Variants in ZKSCAN1 observed in about 807,000 individuals in gnomAD.
ZKSCAN1 encodes the protein zinc finger protein with KRAB and SCAN domains 1.
In ZKSCAN1, 14 loss-of-function variants were observed where a neutral mutation model predicts 51.6. The observed-to-expected ratio is 0.27, with a 90% CI of 0.18 to 0.42. The LOEUF (loss-of-function observed/expected upper bound fraction) is 0.42, where lower values mean the gene tolerates loss of function less well. Ranked by LOEUF, ZKSCAN1 falls within the 10% of genes least tolerant of loss-of-function variation. The pLI is 1.00. For synonymous variants in ZKSCAN1, 263 were observed against 261.5 expected (o/e 1.01, Z -0.06); for missense variants, 531 against 710.0 (o/e 0.75, Z 2.86).
At position 100,041,069 on chromosome 7, in the gene ZKSCAN1, C is replaced by T. The variant is rs1209271344; in HGVS notation, c.*6872C>T. 4 of 964,078 alleles carry T rather than the reference C, an allele frequency of 4.1e-6. No homozygotes were observed. Among genetic ancestry groups the T allele is most frequent in the Non-Finnish European group, 4.9e-6 (4 of 810,602 alleles). The allele number at this position is 964,078 out of a possible 1,614,324, so 59.7% of individuals were successfully genotyped here. On this transcript the variant is annotated 3_prime_UTR_variant, in exon 6 of 6. Coordinates refer to ENST00000324306, the MANE Select transcript of ZKSCAN1 (RefSeq NM_003439.4). ...TTTTAGTTAAATACAGATTTTACAA[C>T]GAGGTCAGCATAAGCCTAAATCTAT...
At chr7:100,042,499 T>C (rs1402702334), downstream of ZKSCAN1, among the ~76,000 whole-genome samples, 2 of 152,032 alleles carry the variant, frequency 1.3e-5, no homozygotes, top group African/African-American at 4.8e-5. Flanking sequence ...ATTCTGACAC[T>C]ACCTGTAACT....
At position 100,037,795 on chromosome 7, in the gene ZKSCAN1, A is replaced by G; in HGVS notation, c.*3598A>G. On this transcript the variant is annotated 3_prime_UTR_variant, in exon 6 of 6. Transcript: ENST00000324306. The stretch of plus-strand genomic sequence containing the variant: ...CACTTTGGGAGGCCGAGGCAGGCGG[A>G]TCACGAGGTCAGTAGTTCGAGACCA... 1.1e-6 allele frequency: 1 copy of G among 890,286 alleles called. No homozygotes were observed. The highest frequency in any genetic ancestry group is 1.3e-6 in the Non-Finnish European group (1 of 743,658). The allele number at this position is 890,286 out of a possible 1,614,324, so 55.1% of individuals were successfully genotyped here. A position where few individuals can be genotyped will look rare whatever the true frequency, so the allele number is the denominator to read the frequency against.
At chr7:100,022,266 G>GTCTCCTGGTC (rs1790623768) in intron 1 of ZKSCAN1, among the ~76,000 whole-genome samples, 1 of 152,210 alleles carries the variant, frequency 6.6e-6, no homozygotes, top group Admixed American at 6.5e-5. Context: ...TGTTGACCAG[G>GTCTCCTGGTC]ATGGTCCCGA....
chr7:100,023,048 C>G (rs1254162394), intron 1 of ZKSCAN1, among the ~76,000 whole-genome samples: 2 of 151,342 alleles, frequency 1.3e-5, no homozygotes, highest in African/African-American at 4.9e-5. Context: ...AACTTCTTGT[C>G]TCCCAGGTAG....
downstream of ZKSCAN1, among the ~76,000 whole-genome samples, chr7:100,042,630 A>G (rs755416390): frequency 2.0e-5 from 3 of 151,824 alleles, no homozygotes; most frequent in Non-Finnish European, 2.9e-5. Context: ...GGCTTCCACA[A>G]TCTTCTCCTC....
Position 100,039,534 on chromosome 7 carries a change from G to A in ZKSCAN1, c.*5337G>A, listed in dbSNP as rs554308421. On this transcript the variant is annotated 3_prime_UTR_variant, in exon 6 of 6. Transcript: ENST00000324306. ...TTGTGATTATTAGGAGAGAGGTTTT[G>A]CAAAGACTCGTTGCTGTGAAAGAAT... 255 of 985,340 alleles carry A rather than the reference G, an allele frequency of 2.6e-4. 1 individual carries two copies. The African/African-American group carries it at 4.0e-3, about 16-fold the overall frequency. 61.0% of individuals were successfully genotyped at this position (985,340 alleles called of 1,614,324 possible).
downstream of ZKSCAN1, among the ~76,000 whole-genome samples, chr7:100,042,687 A>G (rs1299284365): frequency 6.7e-6 from 1 of 150,152 alleles, no homozygotes; most frequent in Non-Finnish European, 1.5e-5. Flanking sequence ...GGTCTCATAT[A>G]TATTTTTATT....
chr7:100,038,855 C>T lies in ZKSCAN1; in HGVS notation c.*4658C>T, dbSNP rs533407102. ...CTAAAAATACAAAAAAATAGCTGGG[C>T]GTGGTGGCGGGCGCCTGTAGTCCCA... On this transcript the variant is annotated 3_prime_UTR_variant, in exon 6 of 6. Coordinates refer to ENST00000324306, the MANE Select transcript of ZKSCAN1 (RefSeq NM_003439.4). The T allele has an allele frequency of 2.1e-5, 11 of 512,690 alleles. No individual in the cohort carries two copies. Among genetic ancestry groups the T allele is most frequent in the South Asian group, 8.5e-5 (1 of 11,704 alleles). 31.8% of individuals were successfully genotyped at this position (512,690 alleles called of 1,614,324 possible).
intron 1 of ZKSCAN1, among the ~76,000 whole-genome samples, chr7:100,020,487 G>C (rs1389419909): frequency 6.6e-6 from 1 of 151,964 alleles, no homozygotes; most frequent in African/African-American, 2.4e-5. Flanking sequence ...CCAAAGAAAG[G>C]AAGCTGGACT....
At chr7:100,042,565 C>T (rs573170361), downstream of ZKSCAN1, among the ~76,000 whole-genome samples, 59 of 152,156 alleles carry the variant, frequency 3.9e-4, no homozygotes, top group African/African-American at 1.3e-3. Flanking sequence ...CCATTTCAGA[C>T]GCCAGTCTTA....
chr7:100,043,771 ATTTTTTTTTTTTTTTT>A (rs772298225), downstream of ZKSCAN1, among the ~76,000 whole-genome samples: 12 of 58,920 alleles, frequency 2.0e-4, no homozygotes, highest in Admixed American at 3.2e-3. Flanking sequence ...TTCTTTCTTG[ATTTTTTTTTTTTTTTT>A]TTTTTTTTTT....
intron 1 of ZKSCAN1, among the ~76,000 whole-genome samples, chr7:100,016,142 C>G (rs1028842949): frequency 6.6e-6 from 1 of 152,158 alleles, no homozygotes; most frequent in African/African-American, 2.4e-5. Context: ...TTTCCCCCCC[C>G]GGTTCCTTCG....
chr7:100,026,888 T>C (rs925758051), intron 3 of ZKSCAN1, among the ~76,000 whole-genome samples: 5 of 152,000 alleles, frequency 3.3e-5, no homozygotes, highest in African/African-American at 1.2e-4. Context: ...TATCCCCCTA[T>C]TCTATAGGGG....
At chr7:100,022,634 G>C (rs747836291) in intron 1 of ZKSCAN1, among the ~76,000 whole-genome samples, 2 of 152,142 alleles carry the variant, frequency 1.3e-5, no homozygotes, top group Non-Finnish European at 2.9e-5. Flanking sequence ...ACAAAAGTAG[G>C]TCCCAGGGCT....
In ZKSCAN1 at chr7:100,039,438, C is replaced by T. The variant is rs1791503244; in HGVS notation, c.*5241C>T. The T allele has an allele frequency of 6.1e-6, 6 of 985,304 alleles. No individual in the cohort carries two copies. Among genetic ancestry groups the T allele is most frequent in the East Asian group, 1.1e-4 (1 of 8,834 alleles). 61.0% of individuals were successfully genotyped at this position (985,304 alleles called of 1,614,324 possible). A position where few individuals can be genotyped will look rare whatever the true frequency, so the allele number is the denominator to read the frequency against. On this transcript the variant is annotated 3_prime_UTR_variant, in exon 6 of 6. Coordinates refer to ENST00000324306, the MANE Select transcript of ZKSCAN1 (RefSeq NM_003439.4). ...TGCAAGAAGTCTGTCTGATGAAGCT[C>T]GGGAAGCATTTTGCAATATTCCCTT...
At position 100,037,671 on chromosome 7, in the gene ZKSCAN1, G is replaced by T; in HGVS notation, c.*3474G>T. On this transcript the variant is annotated 3_prime_UTR_variant, in exon 6 of 6. Transcript: ENST00000324306. ...GCACTCATTGCTTCAGACAGAAAAT[G>T]AATTCCGTCGGTATGTTCCAATCGT... 1 of 985,466 alleles carries T rather than the reference G, an allele frequency of 1.0e-6. No individual in the cohort carries two copies. Among genetic ancestry groups the T allele is most frequent in the Non-Finnish European group, 1.2e-6 (1 of 829,946 alleles). 61.0% of individuals were successfully genotyped at this position (985,466 alleles called of 1,614,324 possible).
chr7:100,018,849 T>G (rs543789235), intron 1 of ZKSCAN1, among the ~76,000 whole-genome samples: 1 of 152,276 alleles, frequency 6.6e-6, no homozygotes, highest in African/African-American at 2.4e-5. Context: ...AGAGAGATAC[T>G]GAAGGTGAGG....
intron 5 of ZKSCAN1, among the ~76,000 whole-genome samples, chr7:100,031,273 A>ATTTTTTTTT (rs60390216): frequency 6.7e-5 from 6 of 89,510 alleles, no homozygotes; most frequent in African/African-American, 9.6e-5. Flanking sequence ...GTACTAGATG[A>ATTTTTTTTT]TTTTTTTTTT....
chr7:100,032,565 A>G (rs1584346253), intron 5 of ZKSCAN1, among the ~76,000 whole-genome samples: 2 of 152,138 alleles, frequency 1.3e-5, no homozygotes, highest in East Asian at 3.9e-4. Flanking sequence ...TGTCCAATTA[A>G]TATTGTGAAG....
Sources: gnomAD v4.1 joint callset for allele counts (sites outside exome capture counted in the v4.1 genomes callset) on GRCh38, gnomAD v4.1.1 for gene constraint, MANE v1.5 for transcripts, NCBI Gene and HGNC (gene_info 2026-07-23, HGNC 2026-07-21) for gene names.